Variants in CTNNA3 observed in about 807,000 individuals in gnomAD.
CTNNA3 encodes catenin alpha-3.
Under a neutral mutation model 95.7 loss-of-function variants are expected in CTNNA3, and 76 were observed. That is an observed-to-expected ratio of 0.79 (90% CI 0.66 to 0.96). The LOEUF (loss-of-function observed/expected upper bound fraction) is 0.96. Ranked by LOEUF, CTNNA3 falls within the 40% of genes least tolerant of loss-of-function variation. CTNNA3 has a pLI of 0.00. For missense variants in CTNNA3, 1,191 were observed against 1,089.8 expected (o/e 1.09, Z -1.31); for synonymous variants, 431 against 374.4 (o/e 1.15, Z -1.74).
intron 11 of CTNNA3, among the ~76,000 whole-genome samples, chr10:66,381,466 T>C (rs1346033127): frequency 6.6e-6 from 1 of 152,222 alleles, no homozygotes; most frequent in Non-Finnish European, 1.5e-5. Context: ...GAAATATATC[T>C]GAGGGAAAGA....
chr10:66,856,838 C>T (rs975050343), intron 7 of CTNNA3, among the ~76,000 whole-genome samples: 2 of 152,088 alleles, frequency 1.3e-5, no homozygotes, highest in African/African-American at 2.4e-5. Context: ...AAAATATTTT[C>T]TCCTATCCTG....
chr10:66,669,958 A>G (rs1846599876), intron 9 of CTNNA3, among the ~76,000 whole-genome samples: 1 of 152,184 alleles, frequency 6.6e-6, no homozygotes, highest in African/African-American at 2.4e-5. Flanking sequence ...TTGCATGAAA[A>G]ATAGAATAAA....
At chr10:66,168,741 T>A (rs2085268732) in intron 13 of CTNNA3, among the ~76,000 whole-genome samples, 1 of 152,212 alleles carries the variant, frequency 6.6e-6, no homozygotes, top group African/African-American at 2.4e-5. Context: ...CCAGTCTTTG[T>A]AGATTTGTGT....
intron 13 of CTNNA3, among the ~76,000 whole-genome samples, chr10:66,113,584 A>G (rs1255672520): frequency 6.6e-6 from 1 of 152,196 alleles, no homozygotes; most frequent in Non-Finnish European, 1.5e-5. Flanking sequence ...TGTTGAGAAC[A>G]CAGCTTCCTC....
intron 7 of CTNNA3, among the ~76,000 whole-genome samples, chr10:67,091,859 C>T (rs1470046629): frequency 6.6e-6 from 1 of 151,832 alleles, no homozygotes. Flanking sequence ...GGAAGAGGAA[C>T]CAGTTTGTAT....
chr10:67,211,929 T>G (rs988110882), intron 6 of CTNNA3, among the ~76,000 whole-genome samples: 4 of 152,112 alleles, frequency 2.6e-5, no homozygotes, highest in Non-Finnish European at 5.9e-5. Context: ...AATTTGATAC[T>G]ATTAATAAAA....
At chr10:67,583,679 G>A (rs138032022) in intron 3 of CTNNA3, among the ~76,000 whole-genome samples, 64 of 152,208 alleles carry the variant, frequency 4.2e-4, no homozygotes, top group African/African-American at 1.4e-3. Flanking sequence ...CATTCTCCCC[G>A]TCACTTTCAG....
At chr10:66,334,917 CTTTG>C (rs1305602651) in intron 12 of CTNNA3, among the ~76,000 whole-genome samples, 3 of 152,138 alleles carry the variant, frequency 2.0e-5, no homozygotes, top group East Asian at 1.9e-4. Context: ...TTCTTGGAGG[CTTTG>C]TTTGTTTCTT....
chr10:66,334,592 C>G (rs556340272), intron 12 of CTNNA3, among the ~76,000 whole-genome samples: 5 of 152,034 alleles, frequency 3.3e-5, no homozygotes, highest in African/African-American at 9.7e-5. Flanking sequence ...GAGTTTCTGC[C>G]GAGAGGTCAG....
At chr10:66,430,994 A>G (rs1225200107) in intron 11 of CTNNA3, among the ~76,000 whole-genome samples, 2 of 152,168 alleles carry the variant, frequency 1.3e-5, no homozygotes, top group Non-Finnish European at 1.5e-5. Context: ...AAATTTTTGC[A>G]AACTACTCAT....
chr10:66,583,684 C>T (rs1365680220), intron 10 of CTNNA3, among the ~76,000 whole-genome samples: 1 of 151,178 alleles, frequency 6.6e-6, no homozygotes, highest in Non-Finnish European at 1.5e-5. Context: ...TTATTTAGCT[C>T]TGCTCTGATC....
chr10:66,675,800 T>C (rs897217274), intron 9 of CTNNA3, among the ~76,000 whole-genome samples: 2 of 152,262 alleles, frequency 1.3e-5, no homozygotes, highest in African/African-American at 4.8e-5. Context: ...TTCTTAATTA[T>C]ATTATCTTCA....
chr10:66,309,906 A>AAAT, intron 12 of CTNNA3, among the ~76,000 whole-genome samples: 1 of 135,850 alleles, frequency 7.4e-6, no homozygotes, highest in East Asian at 2.2e-4. Flanking sequence ...AAAGATACAA[A>AAAT]AAATAAATAA....
intron 11 of CTNNA3, among the ~76,000 whole-genome samples, chr10:66,444,993 T>C (rs1303441774): frequency 6.6e-6 from 1 of 150,942 alleles, no homozygotes; most frequent in African/African-American, 2.4e-5. Flanking sequence ...ACCAAGCAAA[T>C]GGAAAACAAA....
At chr10:66,866,647 G>A (rs1359053727) in intron 7 of CTNNA3, among the ~76,000 whole-genome samples, 1 of 152,134 alleles carries the variant, frequency 6.6e-6, no homozygotes, top group Non-Finnish European at 1.5e-5. Context: ...ACACTGAATG[G>A]TAATTGTAGG....
At chr10:66,812,581 A>G (rs1344268387) in intron 7 of CTNNA3, among the ~76,000 whole-genome samples, 1 of 152,154 alleles carries the variant, frequency 6.6e-6, no homozygotes, top group Non-Finnish European at 1.5e-5. Context: ...TCCTTGTAAA[A>G]TAGAGTAATT....
chr10:65,929,646 G>C (rs891011388), intron 17 of CTNNA3, among the ~76,000 whole-genome samples: 1 of 149,996 alleles, frequency 6.7e-6, no homozygotes, highest in African/African-American at 2.5e-5. Context: ...TCGGCTCACT[G>C]CAACCTCCAC....
chr10:66,591,310 A>C (rs1843542619), intron 10 of CTNNA3, among the ~76,000 whole-genome samples: 2 of 152,148 alleles, frequency 1.3e-5, no homozygotes, highest in African/African-American at 4.8e-5. Context: ...CTTTCAGTGG[A>C]AGGAAGATTG....
chr10:67,575,297 T>C (rs927506222), intron 3 of CTNNA3, among the ~76,000 whole-genome samples: 1 of 152,142 alleles, frequency 6.6e-6, no homozygotes, highest in Admixed American at 6.5e-5. Flanking sequence ...TTTTCCCCCA[T>C]AGAGATATTT....
Sources: gnomAD v4.1 joint callset for allele counts (sites outside exome capture counted in the v4.1 genomes callset) on GRCh38, gnomAD v4.1.1 for gene constraint, MANE v1.5 for transcripts, NCBI Gene and HGNC (gene_info 2026-07-23, HGNC 2026-07-21) for gene names.